PECAM1: variants seen among roughly 807,000 people sequenced by gnomAD.
PECAM1 encodes platelet and endothelial cell adhesion molecule 1, also known as platelet endothelial cell adhesion molecule.
Under a neutral mutation model 13.8 loss-of-function variants are expected in PECAM1, and 8 were observed. The ratio of observed to expected loss-of-function variants is 0.58; its 90% CI spans 0.34 to 1.05. The LOEUF (loss-of-function observed/expected upper bound fraction) is 1.05. PECAM1 is among the 50% of genes least tolerant of loss of function. The pLI, the probability that PECAM1 is intolerant of heterozygous loss-of-function variation, is 0.03. For missense variants in PECAM1, 304 were observed against 141.2 expected (o/e 2.15, Z -5.84); for synonymous variants, 136 against 52.6 (o/e 2.58, Z -6.86).
chr17:64,366,223 A>G (rs2036101640), intron 5 of PECAM1, among the ~76,000 whole-genome samples: 2 of 150,846 alleles, frequency 1.3e-5, no homozygotes, highest in East Asian at 3.9e-4. Context: ...ACATGAAAAA[A>G]TGCTCACCAT....
At chr17:64,346,967 C>A (rs1251165317) in intron 13 of PECAM1, among the ~76,000 whole-genome samples, 2 of 152,032 alleles carry the variant, frequency 1.3e-5, no homozygotes, top group African/African-American at 2.4e-5. Context: ...CTGGGTTTGG[C>A]AGGGGGTCTA....
At chr17:64,330,635 C>CA (rs200563172) in intron 14 of PECAM1, among the ~76,000 whole-genome samples, 3,071 of 107,610 alleles carry the variant, frequency 0.029, 37 homozygotes, top group Middle Eastern at 0.046. Flanking sequence ...GACTCCATCT[C>CA]AAAAAAAAAA....
rs569010407 is a variant in PECAM1, at chr17:64,321,318, G to T, written c.*2498C>A. On this transcript the variant is annotated 3_prime_UTR_variant, in exon 16 of 16. Coordinates refer to ENST00000563924, the MANE Select transcript of PECAM1 (RefSeq NM_000442.5). ...GGGATGCTTCAGGTTTAGACACCGG[G>T]GTTACGGCAGCTGCCGAGGAAGGCT... 2.1e-4 allele frequency: 108 copies of T among 520,986 alleles called. 1 individual carries two copies. The African/African-American group carries it at 2.1e-3, about 10-fold the overall frequency. The allele number at this position is 520,986 out of a possible 1,614,324, so 32.3% of individuals were successfully genotyped here.
At chr17:64,359,119 G>T (rs2035914680) in intron 7 of PECAM1, among the ~76,000 whole-genome samples, 2 of 152,032 alleles carry the variant, frequency 1.3e-5, no homozygotes, top group Non-Finnish European at 2.9e-5. Context: ...TAATTGAAAA[G>T]GTATGGCTAC....
chr17:64,358,111 C>CTTTTTTTTTTTTTT (rs141671796), intron 7 of PECAM1, among the ~76,000 whole-genome samples: 3 of 71,550 alleles, frequency 4.2e-5, no homozygotes, highest in African/African-American at 1.1e-4. Flanking sequence ...TGGCCACAGT[C>CTTTTTTTTTTTTTT]TTTTTTTTTT....
At chr17:64,350,568 C>T (rs2035695216) in intron 11 of PECAM1, 135 bp from the exon 12 acceptor site, 1 of 403,784 alleles carries the variant, frequency 2.5e-6, no homozygotes, top group Middle Eastern at 6.4e-4. Flanking sequence ...GTCTCTGGGT[C>T]CTGGGTCCCC....
chr17:64,355,873 C>A (rs1442372938), intron 8 of PECAM1, among the ~76,000 whole-genome samples: 1 of 152,170 alleles, frequency 6.6e-6, no homozygotes, highest in Non-Finnish European at 1.5e-5. Flanking sequence ...AGTCTGCCAA[C>A]AATTTGTAAT....
chr17:64,376,931 G>A (rs959186390), intron 3 of PECAM1, among the ~76,000 whole-genome samples: 11 of 152,118 alleles, frequency 7.2e-5, no homozygotes, highest in Middle Eastern at 3.4e-3. Context: ...AGCCAAGGTC[G>A]CGCCATTGCT....
intron 2 of PECAM1, among the ~76,000 whole-genome samples, chr17:64,387,214 A>G (rs1298396839): frequency 2.6e-5 from 4 of 152,144 alleles, no homozygotes; most frequent in Non-Finnish European, 4.4e-5. Context: ...CGAGGGCTGG[A>G]AGTGTCCGTT....
intron 7 of PECAM1, among the ~76,000 whole-genome samples, chr17:64,357,626 G>C (rs1251993395): frequency 6.6e-6 from 1 of 152,202 alleles, no homozygotes; most frequent in Non-Finnish European, 1.5e-5. Flanking sequence ...ACACCAGTGG[G>C]CTCAAATCCC....
At chr17:64,336,834 G>A (rs1265961368) in intron 14 of PECAM1, among the ~76,000 whole-genome samples, 1 of 151,410 alleles carries the variant, frequency 6.6e-6, no homozygotes, top group African/African-American at 2.4e-5. Context: ...CTCCAGCCTG[G>A]GTGACACAGT....
At chr17:64,334,351 A>G (rs1395452793) in intron 14 of PECAM1, among the ~76,000 whole-genome samples, 2 of 152,024 alleles carry the variant, frequency 1.3e-5, no homozygotes, top group Non-Finnish European at 2.9e-5. Context: ...AAGGGGGTTT[A>G]AGGGCCAGAA....
In PECAM1 at chr17:64,322,115, A is replaced by G. The variant is rs782231818; in HGVS notation, c.*1701T>C. On this transcript the variant is annotated 3_prime_UTR_variant, in exon 16 of 16. Transcript: ENST00000563924. The stretch of plus-strand genomic sequence containing the variant: ...CTGGGCATGGTGGCTCACGCCTGCA[A>G]TCCCAACCCAAAGGCCTGTGGAGCA... The G allele has an allele frequency of 9.2e-6, 10 of 1,090,160 alleles. No homozygotes were observed. The highest frequency in any genetic ancestry group is 1.1e-5 in the Non-Finnish European group (10 of 881,080). The allele number at this position is 1,090,160 out of a possible 1,614,324, so 67.5% of individuals were successfully genotyped here.
chr17:64,349,174 T>C (rs2035654043), intron 12 of PECAM1, among the ~76,000 whole-genome samples: 1 of 152,168 alleles, frequency 6.6e-6, no homozygotes, highest in South Asian at 2.1e-4. Flanking sequence ...CTCAGGGTAC[T>C]AAGGTGAAAG....
In PECAM1 at chr17:64,319,742, A is replaced by G. The variant is rs1010722579; in HGVS notation, c.*4074T>C. On this transcript the variant is annotated 3_prime_UTR_variant, in exon 16 of 16. Transcript: ENST00000563924. ...GTTCCCAGAGGAAGGTAGGTCATATACTGGTTAAATTCCGCCATTTTGCCT... is the reference window on the plus strand; with the variant it reads ...GTTCCCAGAGGAAGGTAGGTCATATGCTGGTTAAATTCCGCCATTTTGCCT... The G allele has an allele frequency of 1.3e-5, 2 of 152,026 alleles. No homozygotes were observed. Among genetic ancestry groups the G allele is most frequent in the Non-Finnish European group, 1.5e-5 (1 of 68,012 alleles). The allele number at this position is 152,026 out of a possible 1,614,324, so 9.4% of individuals were successfully genotyped here. A position where few individuals can be genotyped will look rare whatever the true frequency, so the allele number is the denominator to read the frequency against.
At chr17:64,378,817 T>C (rs1294972038) in intron 2 of PECAM1, 1 of 152,214 alleles carries the variant, frequency 6.6e-6, no homozygotes, top group African/African-American at 2.4e-5. Context: ...GGAGTAATCA[T>C]ATCTCATTAG....
At chr17:64,376,980 T>C (rs1350727670) in intron 3 of PECAM1, among the ~76,000 whole-genome samples, 4 of 152,066 alleles carry the variant, frequency 2.6e-5, no homozygotes, top group African/African-American at 9.7e-5. Flanking sequence ...TGTCTCAAAA[T>C]AAATAAATAC....
chr17:64,364,871 A>G (rs2036067597), intron 5 of PECAM1, among the ~76,000 whole-genome samples: 2 of 149,636 alleles, frequency 1.3e-5, no homozygotes, highest in South Asian at 2.1e-4. Context: ...TATCATACTG[A>G]ATGGGCAAAA....
In PECAM1 at chr17:64,355,058, C is replaced by CA. The variant is rs1322159310; in HGVS notation, c.1781-19dup. The CA allele has an allele frequency of 2.2e-3, 1,029 of 475,116 alleles. 3 individuals carry two copies. Among genetic ancestry groups the CA allele is most frequent in the Non-Finnish European group, 3.5e-3 (897 of 258,938 alleles). The allele number at this position is 475,116 out of a possible 1,614,324, so 29.4% of individuals were successfully genotyped here. ...AAGAATGACTGAAAACAAAACAAAA[C>CA]AAAAAATTTTTTTTGTATATAGGCT... On this transcript the variant is annotated intron_variant, in intron 8 of 15. Coordinates refer to ENST00000563924, the MANE Select transcript of PECAM1 (RefSeq NM_000442.5).
Sources: allele counts gnomAD v4.1 joint callset (sites outside exome capture counted in the v4.1 genomes callset), GRCh38; gene constraint gnomAD v4.1.1; transcripts MANE v1.5; gene names NCBI Gene and HGNC (gene_info 2026-07-23, HGNC 2026-07-21).